Variants in SLC25A12 observed in about 807,000 individuals in gnomAD.
The protein encoded by SLC25A12 is solute carrier family 25 member 12.
Under a neutral mutation model 83.3 loss-of-function variants are expected in SLC25A12, and 32 were observed. The observed-to-expected ratio is 0.38, with a 90% CI of 0.29 to 0.52. The LOEUF is 0.52. Ranked by LOEUF, SLC25A12 falls within the 20% of genes least tolerant of loss-of-function variation. The pLI is 0.84. For missense variants in SLC25A12, 611 were observed against 835.6 expected (o/e 0.73, Z 3.31); for synonymous variants, 267 against 291.1 (o/e 0.92, Z 0.84).
rs1354602234 is a variant in SLC25A12, at chr2:171,839,672, A to C, written c.466-2405T>G. The stretch of plus-strand genomic sequence containing the variant: ...AGACAACAGAAAAGGAGAAGATGGC[A>C]ACTATATTTTTAAGATCAGAAAGCA... On this transcript the variant is annotated intron_variant, in intron 5 of 17. Coordinates refer to ENST00000422440, the MANE Select transcript of SLC25A12 (RefSeq NM_003705.5). Among the ~76,000 whole-genome samples the C allele has an allele frequency of 3.9e-5, 6 of 152,238 alleles. No homozygotes were observed. In the East Asian group the frequency reaches 9.6e-4, roughly 24 times the overall value.
chr2:171,812,197 T>C (rs533413402), intron 11 of SLC25A12, among the ~76,000 whole-genome samples: 63 of 152,326 alleles, frequency 4.1e-4, no homozygotes, highest in Non-Finnish European at 7.9e-4. Context: ...TTATTCTATA[T>C]ATAATGCTAA....
chr2:171,836,884 G>A (rs193298871), intron 6 of SLC25A12, among the ~76,000 whole-genome samples: 16 of 142,158 alleles, frequency 1.1e-4, no homozygotes, highest in African/African-American at 2.5e-4. Context: ...ACTATGATCC[G>A]GGAAAAGATA....
At chr2:171,818,460 T>C (rs1459000662) in intron 9 of SLC25A12, among the ~76,000 whole-genome samples, 2 of 151,792 alleles carry the variant, frequency 1.3e-5, no homozygotes, top group Non-Finnish European at 2.9e-5. Context: ...TTTTTTGTTA[T>C]ACGTATCTCA....
rs1684502953 is a variant in SLC25A12, at chr2:171,834,006, T to C, written c.802A>G (p.Ile268Val). Residue 268 changes from isoleucine (I) to valine (V), a missense_variant, in exon 8 of 18, where the codon ATT becomes GTT. Coordinates refer to ENST00000422440, the MANE Select transcript of SLC25A12 (RefSeq NM_003705.5). ...IRYGQVTPLEIDILYQLADLY... is the reference protein window; with the variant it reads ...IRYGQVTPLEVDILYQLADLY... ...TCTGCAAGCTGATATAGAATATCAA[T>C]TTCTAGTGGTGTGACTTGTCCATAG... is the stretch of plus-strand genomic sequence containing the variant. The C allele has an allele frequency of 6.2e-7, 1 of 1,609,688 alleles. No homozygotes were observed. The highest frequency in any genetic ancestry group is 1.3e-5 in the African/African-American group (1 of 74,822).
chr2:171,866,509 G>A (rs1181239551), intron 3 of SLC25A12, among the ~76,000 whole-genome samples: 2 of 146,536 alleles, frequency 1.4e-5, no homozygotes, highest in African/African-American at 2.5e-5. Flanking sequence ...CGGGCAGAGG[G>A]GCTCCTCACT....
intron 2 of SLC25A12, among the ~76,000 whole-genome samples, chr2:171,874,590 TCTCTAATATC>T (rs1685525858): frequency 5.3e-5 from 8 of 152,244 alleles, no homozygotes; most frequent in Non-Finnish European, 1.2e-4. Context: ...AGGTGTCTAT[TCTCTAATATC>T]TGAATTTGAC....
At chr2:171,829,221 T>C (rs1042586519) in intron 8 of SLC25A12, among the ~76,000 whole-genome samples, 6 of 152,132 alleles carry the variant, frequency 3.9e-5, no homozygotes, top group African/African-American at 1.4e-4. Context: ...GGGGAGTCAA[T>C]GGAAGTCTTA....
intron 14 of SLC25A12, among the ~76,000 whole-genome samples, 160 bp downstream of exon 14, chr2:171,793,467 T>TGC (rs147753430): frequency 7.5e-4 from 114 of 152,304 alleles, no homozygotes; most frequent in African/African-American, 2.7e-3. Flanking sequence ...TGTATCCCAC[T>TGC]GCCTCTCATA....
chr2:171,847,943 T>C (rs185279563), intron 4 of SLC25A12, among the ~76,000 whole-genome samples: 1 of 152,356 alleles, frequency 6.6e-6, no homozygotes, highest in Admixed American at 6.5e-5. Flanking sequence ...AGTAAAAATG[T>C]TCACAGATGT....
intron 13 of SLC25A12, among the ~76,000 whole-genome samples, chr2:171,805,661 G>T (rs927328236): frequency 5.3e-5 from 8 of 152,172 alleles, no homozygotes; most frequent in African/African-American, 1.7e-4. Flanking sequence ...AGTAAGAAAG[G>T]TATCTATTCC....
At chr2:171,802,733 G>A (rs1469279071) in intron 13 of SLC25A12, among the ~76,000 whole-genome samples, 3 of 152,144 alleles carry the variant, frequency 2.0e-5, no homozygotes, top group African/African-American at 4.8e-5. Flanking sequence ...CCAAGATCAC[G>A]CTACTGCACT....
intron 4 of SLC25A12, 165 bp downstream of exon 4, chr2:171,855,669 G>T: frequency 3.1e-6 from 2 of 639,738 alleles, no homozygotes; most frequent in Admixed American, 2.6e-5. Flanking sequence ...ACAGTTTAAT[G>T]CTTTGAAAAA....
At chr2:171,804,114 G>A (rs1217178178) in intron 13 of SLC25A12, among the ~76,000 whole-genome samples, 1 of 152,100 alleles carries the variant, frequency 6.6e-6, no homozygotes, top group African/African-American at 2.4e-5. Context: ...TGAACAAACT[G>A]TAGTATATCC....
chr2:171,819,473 TA>T lies in SLC25A12; in HGVS notation c.931-4272del, dbSNP rs1278549550. On this transcript the variant is annotated intron_variant, in intron 9 of 17. Transcript: ENST00000422440. ...AATACTTATTATATATTATATATATTAATATATATATAATTTTCCCCTGAAT... is the reference window on the plus strand; with the variant it reads ...AATACTTATTATATATTATATATATTATATATATATAATTTTCCCCTGAAT... 5.9e-5 allele frequency among the ~76,000 whole-genome samples: 8 copies of T among 134,624 alleles called. No homozygotes were observed. In the East Asian group the frequency reaches 1.6e-3, roughly 28 times the overall value. 88.3% of individuals were successfully genotyped at this position (134,624 alleles called of 152,430 possible). A position where few individuals can be genotyped will look rare whatever the true frequency, so the allele number is the denominator to read the frequency against.
chr2:171,817,708 A>G (rs1684084333), intron 9 of SLC25A12, among the ~76,000 whole-genome samples: 1 of 152,000 alleles, frequency 6.6e-6, no homozygotes, highest in African/African-American at 2.4e-5. Flanking sequence ...TAGATTATGA[A>G]TTATTTTCAA....
intron 14 of SLC25A12, 96 bp from the exon 15 acceptor site, chr2:171,791,685 G>A (rs960669249): frequency 4.3e-6 from 5 of 1,150,052 alleles, no homozygotes; most frequent in African/African-American, 1.5e-5. Flanking sequence ...CAAGCTTGAG[G>A]TGTCCCTCAG....
At chr2:171,875,413 T>G (rs6726991) in intron 2 of SLC25A12, among the ~76,000 whole-genome samples, 117,277 of 152,086 alleles carry the variant, frequency 0.77, 46,284 homozygotes, top group East Asian at 0.89. Flanking sequence ...CAAGAACCTG[T>G]ACAACTTGCA....
chr2:171,801,521 T>C (rs1311592644), intron 13 of SLC25A12, among the ~76,000 whole-genome samples: 3 of 152,214 alleles, frequency 2.0e-5, no homozygotes, highest in African/African-American at 7.2e-5. Context: ...CATATAAATA[T>C]TATATATAAA....
chr2:171,871,992 G>A (rs1190710976), intron 2 of SLC25A12, among the ~76,000 whole-genome samples: 3 of 147,860 alleles, frequency 2.0e-5, no homozygotes, highest in South Asian at 2.2e-4. Flanking sequence ...ATAAAAAGAC[G>A]TAGCCCAATA....
Sources: gnomAD v4.1 joint callset for allele counts (sites outside exome capture counted in the v4.1 genomes callset) on GRCh38, gnomAD v4.1.1 for gene constraint, MANE v1.5 for transcripts, NCBI Gene and HGNC (gene_info 2026-07-23, HGNC 2026-07-21) for gene names.